FOXRED2: variants seen among roughly 807,000 people sequenced by gnomAD.
The protein encoded by FOXRED2 is FAD-dependent oxidoreductase domain-containing protein 2.
In FOXRED2, 32 loss-of-function variants were observed where a neutral mutation model predicts 52.5. The observed-to-expected ratio is 0.61, with a 90% confidence interval of 0.46 to 0.82. The LOEUF (loss-of-function observed/expected upper bound fraction) is 0.82, where lower values mean the gene tolerates loss of function less well. Ranked by LOEUF, FOXRED2 falls within the 40% of genes least tolerant of loss-of-function variation. The pLI, the probability that FOXRED2 is intolerant of heterozygous loss-of-function variation, is 0.00. For synonymous variants in FOXRED2, 405 were observed against 398.1 expected (o/e 1.02, Z -0.21); for missense variants, 848 against 937.5 (o/e 0.90, Z 1.25).
chr22:36,504,901 T>A, intron 2 of FOXRED2, 135 bp from the exon 3 acceptor site: 1 of 893,992 alleles, frequency 1.1e-6, no homozygotes, highest in Non-Finnish European at 1.7e-6. Context: ...GGACATTCAT[T>A]CATTCATTTT....
Position 36,493,657 on chromosome 22 carries a change from T to C in FOXRED2, c.1771A>G (p.Thr591Ala), listed in dbSNP as rs921268070. ...LRRFLENCLD[T>A]DLRSFYAESC... is the part of the protein sequence containing the mutation. ...CCTGCATAGAAGCTTCGCAAATCGG[T>C]GTCCAAACAGTTCTCCAGGAAGCGC... Residue 591 changes from threonine (T) to alanine (A), a missense_variant, in exon 8 of 9, where the codon ACC (threonine) becomes GCC (alanine). Physicochemically the swap from Thr to Ala is moderately conservative, Grantham distance 58 (BLOSUM62 0). Coordinates refer to ENST00000397224, the MANE Select transcript of FOXRED2 (RefSeq NM_001102371.2). The C allele has an allele frequency of 1.2e-6, 2 of 1,614,154 alleles. No homozygotes were observed. The highest frequency in any genetic ancestry group is 1.7e-6 in the Non-Finnish European group (2 of 1,180,004).
chr22:36,503,424 C>T (rs1934106501), intron 4 of FOXRED2, among the ~76,000 whole-genome samples: 1 of 151,758 alleles, frequency 6.6e-6, no homozygotes, highest in Non-Finnish European at 1.5e-5. Flanking sequence ...ATTCTCCCAC[C>T]TCAGCCTCCT....
chr22:36,499,583 G>A (rs1933990561), intron 5 of FOXRED2, among the ~76,000 whole-genome samples: 1 of 152,104 alleles, frequency 6.6e-6, no homozygotes, highest in Non-Finnish European at 1.5e-5. Context: ...CCGAGATGGC[G>A]CCATTGTACT....
Position 36,506,282 on chromosome 22 carries a change from G to A in FOXRED2, c.141C>T (p.Tyr47=). Residue 47 remains tyrosine (Y), a synonymous_variant, in exon 2 of 9, where the codon TAC becomes TAT. Transcript: ENST00000397224. ...AGTCGCGTCCAGCGCGCTGCAGGAAGTAGGCCATCTGCAGGCCCGCGGGCC... is the reference window on the plus strand; with the variant it reads ...AGTCGCGTCCAGCGCGCTGCAGGAAATAGGCCATCTGCAGGCCCGCGGGCC... ...GAGPAGLQMA[Y]FLQRAGRDYA... The A allele has an allele frequency of 6.2e-7, 1 of 1,600,210 alleles. No individual in the cohort carries two copies. Among genetic ancestry groups the A allele is most frequent in the Non-Finnish European group, 8.5e-7 (1 of 1,173,012 alleles).
intron 7 of FOXRED2, 107 bp downstream of exon 7, chr22:36,495,860 C>A: frequency 7.8e-7 from 1 of 1,289,830 alleles, no homozygotes; most frequent in Admixed American, 1.9e-5. Flanking sequence ...GCAGCCATCC[C>A]ACCTGTCAGC....
chr22:36,491,924 CAG>C (rs1469938234), intron 8 of FOXRED2, among the ~76,000 whole-genome samples: 1 of 152,100 alleles, frequency 6.6e-6, no homozygotes, highest in Non-Finnish European at 1.5e-5. Flanking sequence ...CAAGGGCAGA[CAG>C]AGTGTCAGGA....
chr22:36,505,611 A>G (rs1238364295), intron 2 of FOXRED2, among the ~76,000 whole-genome samples: 5 of 152,114 alleles, frequency 3.3e-5, no homozygotes, highest in African/African-American at 1.2e-4. Context: ...TCCACCAAAA[A>G]TATAAAAAAA....
rs148832153 is a variant in FOXRED2, at chr22:36,493,347, G to C, written c.1795+286C>G. On this transcript the variant is annotated intron_variant, in intron 8 of 8. Transcript: ENST00000397224. Reference sequence around the variant, plus strand: ...CCAGCTTCTTGGGAGGCTGAGGCAGGAGAATCGCTTGAACCCGGGAGGCGG... The same window carrying C: ...CCAGCTTCTTGGGAGGCTGAGGCAGCAGAATCGCTTGAACCCGGGAGGCGG... 2.2e-4 allele frequency among the ~76,000 whole-genome samples: 34 copies of C among 152,074 alleles called. 1 individual carries two copies. The East Asian group carries it at 6.2e-3, about 28-fold the overall frequency.
Position 36,506,614 on chromosome 22 carries a change from C to T in FOXRED2, c.-1-191G>A, listed in dbSNP as rs565030236. ...TGGGACTTGGGGCTCCCCGGAATCC[C>T]GAGCCCCTCCATCTTATCTCCCTCA... On this transcript the variant is annotated intron_variant, in intron 1 of 8. Transcript: ENST00000397224. 18 of 517,248 alleles carry T rather than the reference C, an allele frequency of 3.5e-5. 1 individual carries two copies. The African/African-American group carries it at 3.5e-4, about 10-fold the overall frequency. The allele number at this position is 517,248 out of a possible 1,614,324, so 32.0% of individuals were successfully genotyped here.
chr22:36,502,120 G>A (rs1418763100), intron 4 of FOXRED2, among the ~76,000 whole-genome samples: 3 of 152,184 alleles, frequency 2.0e-5, no homozygotes, highest in African/African-American at 7.2e-5. Context: ...AGTGAGCCGA[G>A]ATTATGCCAT....
chr22:36,497,544 C>T (rs745429113), intron 6 of FOXRED2, among the ~76,000 whole-genome samples: 8 of 152,162 alleles, frequency 5.3e-5, no homozygotes, highest in African/African-American at 1.7e-4. Context: ...TGCTCTGCAC[C>T]GTTTCCTTCT....
intron 6 of FOXRED2, among the ~76,000 whole-genome samples, chr22:36,497,214 C>T (rs1933924342): frequency 6.6e-6 from 1 of 151,266 alleles, no homozygotes; most frequent in Non-Finnish European, 1.5e-5. Flanking sequence ...GTGGTGGGTG[C>T]CTGTAATCCC....
chr22:36,495,936 A>G (rs1373449364), intron 7 of FOXRED2, 31 bp downstream of exon 7: 2 of 1,608,810 alleles, frequency 1.2e-6, no homozygotes, highest in African/African-American at 1.3e-5. Flanking sequence ...TGAGGAGCCC[A>G]CAGGTTGGGG....
Position 36,504,608 on chromosome 22 carries a change from G to C in FOXRED2, c.686C>G (p.Ala229Gly). ...LGRGNSAFET[A>G]ENILGVTNFI... ...GTTTGTGACACCCAAGATGTTCTCT[G>C]CTGTCTCAAAGGCCGAGTTCCCACG... Residue 229 changes from alanine to glycine, a missense_variant, in exon 3 of 9, where the codon GCA becomes GGA. Transcript: ENST00000397224. 6.2e-7 allele frequency: 1 copy of C among 1,614,188 alleles called. No individual in the cohort carries two copies. The highest frequency in any genetic ancestry group is 8.5e-7 in the Non-Finnish European group (1 of 1,180,022).
chr22:36,504,684 C>T lies in FOXRED2; in HGVS notation c.610G>A (p.Val204Met), dbSNP rs756559486. 1.5e-5 allele frequency: 24 copies of T among 1,614,062 alleles called. No individual in the cohort carries two copies. Among genetic ancestry groups the T allele is most frequent in the Non-Finnish European group, 1.9e-5 (23 of 1,180,036 alleles). Residue 204 changes from valine to methionine, a missense_variant, in exon 3 of 9, where the codon GTG (valine) becomes ATG (methionine). Transcript: ENST00000397224. ...ACAAAGTCCTCAGGGTCCACGGACA[C>T]GGACTCGTAACCCTCTGCATATTCG... is the stretch of plus-strand genomic sequence containing the variant. Reference protein sequence around the residue: ...GSEYAEGYESVSVDPEDFVGQ... With the variant: ...GSEYAEGYESMSVDPEDFVGQ...
chr22:36,497,245 CAGG>C (rs1933925080), intron 6 of FOXRED2, among the ~76,000 whole-genome samples: 1 of 151,302 alleles, frequency 6.6e-6, no homozygotes, highest in Non-Finnish European at 1.5e-5. Context: ...GAGGCTGAGG[CAGG>C]AGAAGTGCTT....
At chr22:36,492,243 C>T (rs1209191564) in intron 8 of FOXRED2, among the ~76,000 whole-genome samples, 1 of 152,170 alleles carries the variant, frequency 6.6e-6, no homozygotes, top group Non-Finnish European at 1.5e-5. Context: ...CAACATCATC[C>T]CTTCTGCAGG....
chr22:36,506,113 T>C lies in FOXRED2; in HGVS notation c.310A>G (p.Ser104Gly). 1 of 1,614,228 alleles carries C rather than the reference T, an allele frequency of 6.2e-7. No individual in the cohort carries two copies. The highest frequency in any genetic ancestry group is 8.5e-7 in the Non-Finnish European group (1 of 1,180,034). ...NLRHDWNSLL[S>G]HDPRLLFRHY... ...CTGAAGAGCAGCCGGGGGTCGTGGC[T>C]GAGCAGAGAGTTCCAGTCGTGGCGG... The change falls in exon 2 of 9, where the codon AGC (serine) becomes GGC (glycine). Residue 104 changes from serine (S) to glycine (G), a missense_variant. By Grantham distance (56) the Ser-to-Gly change is moderately conservative. Coordinates refer to ENST00000397224, the MANE Select transcript of FOXRED2 (RefSeq NM_001102371.2).
chr22:36,496,043 A>G lies in FOXRED2; in HGVS notation c.1548T>C (p.Ser516=). 2 of 1,614,162 alleles carry G rather than the reference A, an allele frequency of 1.2e-6. No homozygotes were observed. Among genetic ancestry groups the G allele is most frequent in the Non-Finnish European group, 1.7e-6 (2 of 1,179,956 alleles). ...PDKDVFFDDR[S]VGHTEDAWQS... is the part of the protein sequence containing the mutation. ...GCCAGGCATCTTCTGTGTGCCCCACAGACCGGTCATCAAAGAAGACGTCCT... is the reference window on the plus strand; with the variant it reads ...GCCAGGCATCTTCTGTGTGCCCCACGGACCGGTCATCAAAGAAGACGTCCT... Residue 516 remains serine, a synonymous_variant, in exon 7 of 9, where the codon TCT becomes TCC. Coordinates refer to ENST00000397224, the MANE Select transcript of FOXRED2 (RefSeq NM_001102371.2).
Sources: gnomAD v4.1 joint callset for allele counts (sites outside exome capture counted in the v4.1 genomes callset) on GRCh38, gnomAD v4.1.1 for gene constraint, MANE v1.5 for transcripts, NCBI Gene and HGNC (gene_info 2026-07-23, HGNC 2026-07-21) for gene names.